Variants in TRAF3 observed in about 807,000 individuals in gnomAD.
TRAF3 encodes the protein TNF receptor associated factor 3.
A neutral mutation model predicts 62.3 loss-of-function variants in TRAF3; 13 were observed. The observed-to-expected ratio is 0.21, with a 90% CI of 0.14 to 0.33. The LOEUF is 0.33. Among genes scored for constraint, TRAF3 ranks in the 10% least tolerant of loss-of-function variants. The pLI is 1.00. For synonymous variants in TRAF3, 269 were observed against 283.4 expected, an observed-to-expected ratio of 0.95 and a Z score of 0.51; for missense variants, 440 against 741.8, an observed-to-expected ratio of 0.59 and a Z score of 4.73.
chr14:102,897,371 A>T lies in TRAF3; in HGVS notation c.930A>T (p.Arg310=). ...TTGAGAGACAAAAGGAAATGCTTCG[A>T]AATAATGAATCCAAAATCCTTCATT... ...IEIERQKEML[R]NNESKILHLQ... is the part of the protein sequence containing the mutation. The change falls in exon 10 of 12, where the codon CGA becomes CGT. Residue 310 remains arginine, a synonymous_variant. Coordinates refer to ENST00000392745, the MANE Select transcript of TRAF3 (RefSeq NM_145725.3). 6.2e-7 allele frequency: 1 copy of T among 1,614,088 alleles called. No homozygotes were observed. The highest frequency in any genetic ancestry group is 8.5e-7 in the Non-Finnish European group (1 of 1,179,950).
At chr14:102,853,186 C>G (rs2139740497) in intron 2 of TRAF3, among the ~76,000 whole-genome samples, 1 of 152,250 alleles carries the variant, frequency 6.6e-6, no homozygotes, top group Admixed American at 6.5e-5. Flanking sequence ...CAGGTGTGAG[C>G]CATTGCACCT....
chr14:102,834,426 C>T (rs1253701011), intron 2 of TRAF3, among the ~76,000 whole-genome samples: 1 of 151,522 alleles, frequency 6.6e-6, no homozygotes, highest in Non-Finnish European at 1.5e-5. Context: ...CGGCTGGGCG[C>T]GGTGGCTCAC....
intron 2 of TRAF3, among the ~76,000 whole-genome samples, chr14:102,859,916 C>G (rs976162539): frequency 7.9e-5 from 12 of 152,218 alleles, no homozygotes; most frequent in African/African-American, 2.7e-4. Flanking sequence ...GAAGGCAAGA[C>G]AGAGCCCCAA....
rs965717499 is a variant in TRAF3, at chr14:102,903,042, G to A, written c.961-213G>A. ...CTTCCATGTGGCTTCATGTCACCTC[G>A]AGTGCTCCCTGCCGGCACAAGCACT... is the stretch of plus-strand genomic sequence containing the variant. On this transcript the variant is annotated intron_variant, in intron 10 of 11. Coordinates refer to ENST00000392745, the MANE Select transcript of TRAF3 (RefSeq NM_145725.3). The surrounding 1 kb of genome is among the most constrained non-coding windows in gnomAD (Gnocchi z 6.4). The A allele has an allele frequency of 3.3e-5, 22 of 666,778 alleles. No individual in the cohort carries two copies. The highest frequency in any genetic ancestry group is 7.9e-5 in the South Asian group (5 of 63,060). 41.3% of individuals were successfully genotyped at this position (666,778 alleles called of 1,614,324 possible).
intron 1 of TRAF3, among the ~76,000 whole-genome samples, chr14:102,785,610 G>A (rs868471498): frequency 6.6e-6 from 1 of 152,200 alleles, no homozygotes; most frequent in African/African-American, 2.4e-5. Context: ...TATAACTGCA[G>A]ATTGCCTGTG....
intron 2 of TRAF3, among the ~76,000 whole-genome samples, chr14:102,848,126 C>G (rs973419360): frequency 3.9e-5 from 6 of 152,198 alleles, no homozygotes; most frequent in African/African-American, 1.2e-4. Context: ...TGCTCCTTAA[C>G]ATCTTTCTCT....
In TRAF3 at chr14:102,884,738, G is replaced by C. The variant is rs569229454; in HGVS notation, c.571-1451G>C. Among the ~76,000 whole-genome samples the C allele has an allele frequency of 9.2e-5, 14 of 152,156 alleles. No homozygotes were observed. The South Asian group carries it at 2.9e-3, about 32-fold the overall frequency. ...GAGGCAGGAGAATTGCTTGAACCCA[G>C]GAGGCGGAGGTTGCTGTGAGCCAAG... On this transcript the variant is annotated intron_variant, in intron 6 of 11. Coordinates refer to ENST00000392745, the MANE Select transcript of TRAF3 (RefSeq NM_145725.3).
At chr14:102,814,414 T>G (rs10083491) in intron 1 of TRAF3, among the ~76,000 whole-genome samples, 9,098 of 152,296 alleles carry the variant, frequency 0.06, 904 homozygotes, top group African/African-American at 0.21. Flanking sequence ...TTGCTTTGGC[T>G]ATTTGGGGTC....
chr14:102,798,649 A>AT (rs753426123), intron 1 of TRAF3, among the ~76,000 whole-genome samples: 97 of 152,004 alleles, frequency 6.4e-4, no homozygotes, highest in African/African-American at 2.2e-3. Flanking sequence ...CAAAAACAAA[A>AT]TTTTTTTTGT....
At chr14:102,845,918 C>T (rs917507301) in intron 2 of TRAF3, among the ~76,000 whole-genome samples, 1 of 131,704 alleles carries the variant, frequency 7.6e-6, no homozygotes, top group African/African-American at 2.8e-5. Flanking sequence ...AGTTTCAAGG[C>T]TGTAGTAAGT....
At chr14:102,866,955 C>G (rs1010833391) in intron 2 of TRAF3, among the ~76,000 whole-genome samples, 13 of 151,936 alleles carry the variant, frequency 8.6e-5, no homozygotes, top group Admixed American at 7.9e-4. Flanking sequence ...GGCCTCTCAG[C>G]ATATGAAAAG....
At chr14:102,889,864 C>T (rs991592406) in intron 8 of TRAF3, among the ~76,000 whole-genome samples, 3 of 152,180 alleles carry the variant, frequency 2.0e-5, no homozygotes, top group African/African-American at 7.2e-5. Flanking sequence ...GAAGTTAATA[C>T]ATTAAGAGAA....
Position 102,903,494 on chromosome 14 carries a change from G to C in TRAF3, c.1135+65G>C. 2.5e-6 allele frequency: 4 copies of C among 1,607,046 alleles called. No homozygotes were observed. Among genetic ancestry groups the C allele is most frequent in the Non-Finnish European group, 3.4e-6 (4 of 1,176,222 alleles). On this transcript the variant is annotated intron_variant, in intron 11 of 11. Transcript: ENST00000392745. This position sits in a 1 kb window ranked among gnomAD's most constrained non-coding sequence, Gnocchi z 6.4. ...GGGCCCCGGGCGAGTGCTGGGGCGG[G>C]GTCCGTGGGATGAGGGCTATGTTAG...
At chr14:102,838,584 T>C (rs1026302969) in intron 2 of TRAF3, among the ~76,000 whole-genome samples, 4 of 152,146 alleles carry the variant, frequency 2.6e-5, no homozygotes, top group Admixed American at 2.6e-4. Context: ...TAGTGATAAA[T>C]AGTAGTTGTC....
chr14:102,816,583 C>T (rs1432050431), intron 1 of TRAF3, among the ~76,000 whole-genome samples: 1 of 152,116 alleles, frequency 6.6e-6, no homozygotes, highest in Non-Finnish European at 1.5e-5. Flanking sequence ...TTAATTGTAG[C>T]TGCTAGGAGA....
chr14:102,892,085 T>C (rs888725670), intron 9 of TRAF3, among the ~76,000 whole-genome samples: 1 of 151,014 alleles, frequency 6.6e-6, no homozygotes, highest in Admixed American at 6.6e-5. Context: ...GACGGAGTTT[T>C]GCTCTTGTAG....
At chr14:102,820,633 T>TTC (rs1566755373) in intron 1 of TRAF3, among the ~76,000 whole-genome samples, 1 of 90,024 alleles carries the variant, frequency 1.1e-5, no homozygotes, top group African/African-American at 4.9e-5. Context: ...TTTTTTTTTT[T>TTC]TTTTTTTTTT....
chr14:102,826,030 A>G lies in TRAF3; in HGVS notation c.-156-4304A>G, dbSNP rs1485748478. Among the ~76,000 whole-genome samples, 1 of 152,232 alleles carries G rather than the reference A, an allele frequency of 6.6e-6. No homozygotes were observed. Among genetic ancestry groups the G allele is most frequent in the Non-Finnish European group, 1.5e-5 (1 of 68,034 alleles). ...CATTCATATCTCACAGTAAGAGGGA[A>G]GGATGGGGGAGGAAGACTGCTGTAT... On this transcript the variant is annotated intron_variant, in intron 1 of 11. Transcript: ENST00000392745. This position sits in a 1 kb window ranked among gnomAD's most constrained non-coding sequence, Gnocchi z 4.6.
intron 2 of TRAF3, among the ~76,000 whole-genome samples, chr14:102,858,025 C>CTA (rs1887472392): frequency 1.3e-5 from 2 of 152,116 alleles, no homozygotes; most frequent in African/African-American, 2.4e-5. Flanking sequence ...TGATCAGCAA[C>CTA]GTTTTAAGCA....
Sources: gnomAD v4.1 joint callset for allele counts (sites outside exome capture counted in the v4.1 genomes callset) on GRCh38, gnomAD v4.1.1 for gene constraint, Gnocchi (gnomAD v3.1) non-coding constraint, MANE v1.5 for transcripts, NCBI Gene and HGNC (gene_info 2026-07-23, HGNC 2026-07-21) for gene names.